The following SLC5A10 variants were observed in gnomAD, a reference collection of about 807,000 sequenced individuals.
SLC5A10 encodes solute carrier family 5 member 10.
In SLC5A10, 55 loss-of-function variants were observed where a neutral mutation model predicts 68.9. The ratio of observed to expected loss-of-function variants is 0.80; its 90% confidence interval spans 0.64 to 1.00. SLC5A10 has a LOEUF of 1.00. SLC5A10 is among the 50% of genes least tolerant of loss of function. The pLI is 0.00. For synonymous variants in SLC5A10, 344 were observed against 344.8 expected (o/e 1.00, Z 0.02); for missense variants, 732 against 819.3 (o/e 0.89, Z 1.30).
intron 9 of SLC5A10, chr17:18,979,379 T>C: frequency 1.2e-6 from 1 of 807,040 alleles, no homozygotes; most frequent in Admixed American, 2.9e-5. Context: ...AAAGCCCTTC[T>C]CTGCCTGCCT....
In SLC5A10 at chr17:18,971,128, G is replaced by A. The variant is rs772851089; in HGVS notation, c.756G>A (p.Met252Ile). Reference protein sequence around the residue: ...CHLPRTDAMHMFRDPHTGDLP... With the variant: ...CHLPRTDAMHIFRDPHTGDLP... ...TGCCACGTACAGACGCCATGCACAT[G>A]TTTCGAGACCCCCACACAGGGGACC... Residue 252 changes from methionine (M) to isoleucine (I), a missense_variant, in exon 8 of 15, where the codon ATG becomes ATA. Physicochemically the swap from Met to Ile is conservative, Grantham distance 10. Coordinates refer to ENST00000395645, the MANE Select transcript of SLC5A10 (RefSeq NM_001042450.4). The surrounding 1 kb of genome is among the most constrained non-coding windows in gnomAD (Gnocchi z 5.5). 123 of 1,613,906 alleles carry A rather than the reference G, an allele frequency of 7.6e-5. No individual in the cohort carries two copies. The East Asian group carries it at 2.7e-3, about 36-fold the overall frequency.
chr17:18,976,583 G>A (rs906454628), intron 8 of SLC5A10: 1 of 442,426 alleles, frequency 2.3e-6, no homozygotes, highest in Non-Finnish European at 4.0e-6. Context: ...TGGTGGGCTG[G>A]GCAGGATCCA....
chr17:18,958,891 T>G (rs1158520444), intron 2 of SLC5A10, 138 bp downstream of exon 2: 1 of 1,017,686 alleles, frequency 9.8e-7, no homozygotes, highest in African/African-American at 1.6e-5. Context: ...GGTCCCCAAG[T>G]GAGGGGCATA....
At chr17:18,988,579 G>A (rs1194926014) in intron 9 of SLC5A10, among the ~76,000 whole-genome samples, 1 of 152,232 alleles carries the variant, frequency 6.6e-6, no homozygotes, top group Non-Finnish European at 1.5e-5. Flanking sequence ...AGGGGCCAGG[G>A]GCCTCTCTTG....
In SLC5A10 at chr17:18,996,594, A is replaced by G. The variant is rs185325540; in HGVS notation, c.983-16816A>G. On this transcript the variant is annotated intron_variant, in intron 9 of 14. Coordinates refer to ENST00000395645, the MANE Select transcript of SLC5A10 (RefSeq NM_001042450.4). This position sits in a 1 kb window ranked among gnomAD's most constrained non-coding sequence, Gnocchi z 4.4. Reference sequence around the variant, plus strand: ...CTCCCAGGGTAAAGGGAGTCTGTGTACTTGGTAACAAATGCTGACCCCAGC... The same window carrying G: ...CTCCCAGGGTAAAGGGAGTCTGTGTGCTTGGTAACAAATGCTGACCCCAGC... 4.6e-5 allele frequency among the ~76,000 whole-genome samples: 7 copies of G among 152,184 alleles called. No individual in the cohort carries two copies. The highest frequency in any genetic ancestry group is 2.6e-4 in the Admixed American group (4 of 15,280).
intron 9 of SLC5A10, among the ~76,000 whole-genome samples, chr17:19,008,242 A>G (rs2152147400): frequency 6.6e-6 from 1 of 152,302 alleles, no homozygotes; most frequent in Non-Finnish European, 1.5e-5. Context: ...CTGTCCTCTT[A>G]ACTCTATTTT....
chr17:18,951,389 A>AT (rs1453631462), upstream of SLC5A10, among the ~76,000 whole-genome samples: 1 of 152,266 alleles, frequency 6.6e-6, no homozygotes, highest in Non-Finnish European at 1.5e-5. Context: ...AGGATGAGAC[A>AT]TTGCCTACTC....
intron 9 of SLC5A10, among the ~76,000 whole-genome samples, chr17:18,982,213 A>G (rs1362886440): frequency 6.6e-6 from 1 of 152,148 alleles, no homozygotes; most frequent in Non-Finnish European, 1.5e-5. Context: ...CTCCCTTAGC[A>G]CACAGCAGGG....
intron 9 of SLC5A10, among the ~76,000 whole-genome samples, chr17:19,002,702 T>C (rs2043762031): frequency 6.6e-6 from 1 of 152,242 alleles, no homozygotes; most frequent in African/African-American, 2.4e-5. Flanking sequence ...TGGTCACAAC[T>C]GTCCAGCAGT....
chr17:18,955,265 C>T (rs2058967847), intron 1 of SLC5A10, among the ~76,000 whole-genome samples: 1 of 152,132 alleles, frequency 6.6e-6, no homozygotes, highest in Non-Finnish European at 1.5e-5. Context: ...CAGCTCCCCT[C>T]GTGTCCTGAT....
rs549679109 is a variant in SLC5A10, at chr17:19,000,441, C to T, written c.983-12969C>T. On this transcript the variant is annotated intron_variant, in intron 9 of 14. Coordinates refer to ENST00000395645, the MANE Select transcript of SLC5A10 (RefSeq NM_001042450.4). The surrounding 1 kb of genome is among the most constrained non-coding windows in gnomAD (Gnocchi z 5.2). ...CCCACAGTCAGGCAGAGGCAGAGCACGGACTCTTGGCTCCTGGTCCTGCTG... is the reference window on the plus strand; with the variant it reads ...CCCACAGTCAGGCAGAGGCAGAGCATGGACTCTTGGCTCCTGGTCCTGCTG... Among the ~76,000 whole-genome samples the T allele has an allele frequency of 6.6e-6, 1 of 152,236 alleles. No homozygotes were observed. The highest frequency in any genetic ancestry group is 6.5e-5 in the Admixed American group (1 of 15,300).
chr17:18,953,648 G>A (rs1053149544), intron 1 of SLC5A10: 1 of 152,624 alleles, frequency 6.6e-6, no homozygotes, highest in Non-Finnish European at 1.5e-5. Flanking sequence ...GGTGGTGGTG[G>A]TGGCAGTTGT....
chr17:19,012,220 C>A (rs901163970), intron 9 of SLC5A10, among the ~76,000 whole-genome samples: 1 of 152,200 alleles, frequency 6.6e-6, no homozygotes, highest in Non-Finnish European at 1.5e-5. Context: ...GTCAGCCCCA[C>A]GACTGCTAAC....
chr17:18,977,071 A>G (rs2042998894), intron 9 of SLC5A10, 82 bp downstream of exon 9: 2 of 1,571,282 alleles, frequency 1.3e-6, no homozygotes, highest in African/African-American at 2.7e-5. Context: ...TCACCAGAAG[A>G]AGAGGCAAAG....
intron 1 of SLC5A10, 133 bp from the exon 2 acceptor site, chr17:18,958,549 C>G: frequency 1.5e-6 from 1 of 664,406 alleles, no homozygotes; most frequent in Non-Finnish European, 2.7e-6. Context: ...GGACATATAC[C>G]TAGGAGTGGA....
chr17:19,003,199 G>T lies in SLC5A10; in HGVS notation c.983-10211G>T, dbSNP rs2043775999. On this transcript the variant is annotated intron_variant, in intron 9 of 14. Coordinates refer to ENST00000395645, the MANE Select transcript of SLC5A10 (RefSeq NM_001042450.4). The surrounding 1 kb of genome is among the most constrained non-coding windows in gnomAD (Gnocchi z 4.5). Reference sequence around the variant, plus strand: ...CTAAGGGAGAGTGAGAGGAAGCCCTGGGGTTCCTCCCCTCCCCACTCCACC... The same window carrying T: ...CTAAGGGAGAGTGAGAGGAAGCCCTTGGGTTCCTCCCCTCCCCACTCCACC... Among the ~76,000 whole-genome samples the T allele has an allele frequency of 6.7e-6, 1 of 150,358 alleles. No individual in the cohort carries two copies. The highest frequency in any genetic ancestry group is 1.5e-5 in the Non-Finnish European group (1 of 67,570).
In SLC5A10 at chr17:19,004,052, G is replaced by A. The variant is rs368520280; in HGVS notation, c.983-9358G>A. ...CTGAGAGAAGGCCATGGCGCCGCCT[G>A]CCCGGGCACTGCTGCCGGGGGTGGG... On this transcript the variant is annotated intron_variant, in intron 9 of 14. Transcript: ENST00000395645. The surrounding 1 kb of genome is among the most constrained non-coding windows in gnomAD (Gnocchi z 5.4). The A allele has an allele frequency of 8.8e-4, 1,381 of 1,571,970 alleles. 5 individuals carry two copies. The Middle Eastern group carries it at 0.013, about 15-fold the overall frequency.
At chr17:18,982,139 C>A (rs2152014499) in intron 9 of SLC5A10, among the ~76,000 whole-genome samples, 1 of 152,382 alleles carries the variant, frequency 6.6e-6, no homozygotes, top group South Asian at 2.1e-4. Flanking sequence ...GAGCCGCAGG[C>A]CTCGGCTGGG....
In SLC5A10 at chr17:19,022,252, G is replaced by A. The variant is rs1478635102; in HGVS notation, c.*1821G>A. 1.4e-5 allele frequency: 8 copies of A among 578,128 alleles called. No individual in the cohort carries two copies. Among genetic ancestry groups the A allele is most frequent in the South Asian group, 8.0e-5 (3 of 37,496 alleles). The allele number at this position is 578,128 out of a possible 1,614,324, so 35.8% of individuals were successfully genotyped here. ...TTTGCCACAGGTGAGGAGGGGTCTC[G>A]GGCAGCACCGGAGTTGAACTTTAAG... On this transcript the variant is annotated 3_prime_UTR_variant, in exon 15 of 15. Coordinates refer to ENST00000395645, the MANE Select transcript of SLC5A10 (RefSeq NM_001042450.4).
Sources: gnomAD v4.1 joint callset for allele counts (sites outside exome capture counted in the v4.1 genomes callset) on GRCh38, gnomAD v4.1.1 for gene constraint, Gnocchi (gnomAD v3.1) non-coding constraint, MANE v1.5 for transcripts, NCBI Gene and HGNC (gene_info 2026-07-23, HGNC 2026-07-21) for gene names.